SHISA9: variants seen among roughly 807,000 people sequenced by gnomAD.
SHISA9 encodes the protein shisa family member 9.
Under a neutral mutation model 38.0 loss-of-function variants are expected in SHISA9, and 13 were observed. That is an observed-to-expected ratio of 0.34 (90% CI 0.22 to 0.54). The LOEUF is 0.54. Among genes scored for constraint, SHISA9 ranks in the 20% least tolerant of loss-of-function variants. The pLI, the probability that SHISA9 is intolerant of heterozygous loss-of-function variation, is 0.91. For missense variants in SHISA9, 538 were observed against 575.8 expected, an observed-to-expected ratio of 0.93 and a Z score of 0.67; for synonymous variants, 275 against 242.0, an observed-to-expected ratio of 1.14 and a Z score of -1.27.
rs1846573105 is a variant in SHISA9, at chr16:13,197,711, G to A, written c.692-5683G>A. ...AAGTCTTCATTCATTATTTCGAAGG[G>A]TCGTAATGAGTTGCGCTTATAATGG... On this transcript the variant is annotated intron_variant, in intron 2 of 4. Coordinates refer to ENST00000558583, the MANE Select transcript of SHISA9 (RefSeq NM_001145204.3). The A allele has an allele frequency of 2.0e-5, 3 of 152,212 alleles. No individual in the cohort carries two copies. In the South Asian group the frequency reaches 6.2e-4, roughly 32 times the overall value. The allele number at this position is 152,212 out of a possible 1,614,324, so 9.4% of individuals were successfully genotyped here.
intron 2 of SHISA9, chr16:13,197,740 G>A (rs1268064207): frequency 1.3e-5 from 2 of 152,228 alleles, no homozygotes; most frequent in Non-Finnish European, 2.9e-5. Flanking sequence ...ATAATGGGTG[G>A]AGGGGGGAAT....
intron 2 of SHISA9, among the ~76,000 whole-genome samples, chr16:13,138,583 C>T (rs1438702043): frequency 6.6e-6 from 1 of 152,198 alleles, no homozygotes; most frequent in Non-Finnish European, 1.5e-5. Context: ...ACTACCCCTC[C>T]TCTCAGCCTC....
the SHISA9 span, among the ~76,000 whole-genome samples, chr16:13,346,659 T>C: frequency 6.6e-6 from 1 of 152,194 alleles, no homozygotes; most frequent in Non-Finnish European, 1.5e-5. Context: ...TAATTTTTTC[T>C]CTAAGAACTA....
chr16:13,001,379 G>T (rs920735293), intron 2 of SHISA9, among the ~76,000 whole-genome samples: 16 of 143,904 alleles, frequency 1.1e-4, no homozygotes, highest in African/African-American at 4.5e-4. Context: ...ACTAAGGATC[G>T]GGGGGCCTTT....
chr16:12,949,422 A>G (rs1428396690), intron 2 of SHISA9, among the ~76,000 whole-genome samples: 2 of 152,308 alleles, frequency 1.3e-5, no homozygotes, highest in African/African-American at 4.8e-5. Flanking sequence ...AGAGGGAGGT[A>G]AAATGTTTGG....
chr16:13,355,963 C>A, the SHISA9 span, among the ~76,000 whole-genome samples: 1 of 152,154 alleles, frequency 6.6e-6, no homozygotes, highest in Non-Finnish European at 1.5e-5. Context: ...AGAGATGGGA[C>A]GTGGCTTAGG....
At chr16:13,222,712 G>A (rs953164518) in intron 4 of SHISA9, among the ~76,000 whole-genome samples, 1 of 151,858 alleles carries the variant, frequency 6.6e-6, no homozygotes, top group Non-Finnish European at 1.5e-5. Context: ...GATGTACCAT[G>A]CACTATGCAT....
the SHISA9 span, among the ~76,000 whole-genome samples, chr16:13,529,126 T>G: frequency 6.6e-6 from 1 of 152,234 alleles, no homozygotes; most frequent in Non-Finnish European, 1.5e-5. Context: ...TTTTGCAGTT[T>G]GGACACAATT....
chr16:13,538,853 C>A, the SHISA9 span, among the ~76,000 whole-genome samples: 1 of 152,062 alleles, frequency 6.6e-6, no homozygotes, highest in African/African-American at 2.4e-5. Flanking sequence ...ATCACAGCTC[C>A]ACACAAAACT....
intron 2 of SHISA9, among the ~76,000 whole-genome samples, chr16:13,180,809 G>A (rs991505540): frequency 1.3e-5 from 2 of 152,210 alleles, no homozygotes; most frequent in African/African-American, 4.8e-5. Flanking sequence ...AGAGTGCTAA[G>A]TAGGATTCTA....
chr16:12,951,961 T>TA (rs1303958591), intron 2 of SHISA9, among the ~76,000 whole-genome samples: 4 of 152,236 alleles, frequency 2.6e-5, no homozygotes, highest in Non-Finnish European at 5.9e-5. Flanking sequence ...TGCATGTCAA[T>TA]ATGGCATTTG....
chr16:12,945,133 C>T (rs572552787), intron 2 of SHISA9, among the ~76,000 whole-genome samples: 7 of 152,106 alleles, frequency 4.6e-5, no homozygotes, highest in Admixed American at 1.3e-4. Flanking sequence ...GTGAGAACCA[C>T]GTGTGTTTTT....
At chr16:13,406,539 C>G in the SHISA9 span, among the ~76,000 whole-genome samples, 1 of 152,210 alleles carries the variant, frequency 6.6e-6, no homozygotes, top group Non-Finnish European at 1.5e-5. Flanking sequence ...CTTCCGCTTT[C>G]TACTGTCTTG....
chr16:13,108,743 AATTTG>A (rs1209161204), intron 2 of SHISA9, among the ~76,000 whole-genome samples: 1 of 152,212 alleles, frequency 6.6e-6, no homozygotes, highest in African/African-American at 2.4e-5. Context: ...GGAAATATTG[AATTTG>A]ATTTGATCTT....
At chr16:13,230,509 G>C (rs1319451720) in intron 4 of SHISA9, among the ~76,000 whole-genome samples, 1 of 152,182 alleles carries the variant, frequency 6.6e-6, no homozygotes, top group Non-Finnish European at 1.5e-5. Flanking sequence ...TCTGGCTTAA[G>C]TGGCTAAAGG....
intron 2 of SHISA9, among the ~76,000 whole-genome samples, chr16:12,973,016 T>C (rs2072104984): frequency 6.6e-6 from 1 of 152,262 alleles, no homozygotes; most frequent in African/African-American, 2.4e-5. Flanking sequence ...CTTGGGAGGC[T>C]GAGGCAGGAG....
intron 2 of SHISA9, among the ~76,000 whole-genome samples, chr16:13,024,870 C>T (rs1473161294): frequency 6.6e-6 from 1 of 152,126 alleles, no homozygotes; most frequent in Non-Finnish European, 1.5e-5. Flanking sequence ...TCTCTGCTTG[C>T]ATGAAAGTAG....
chr16:13,324,860 A>G, the SHISA9 span, among the ~76,000 whole-genome samples: 1 of 152,238 alleles, frequency 6.6e-6, no homozygotes, highest in Admixed American at 6.5e-5. Context: ...GAAAGTATAC[A>G]TTAGTTCAGC....
At chr16:12,989,786 T>G (rs2072360592) in intron 2 of SHISA9, among the ~76,000 whole-genome samples, 1 of 152,158 alleles carries the variant, frequency 6.6e-6, no homozygotes, top group Non-Finnish European at 1.5e-5. Context: ...TCTTCGACTT[T>G]TGCTTTATGT....
Sources: gnomAD v4.1 joint callset for allele counts (sites outside exome capture counted in the v4.1 genomes callset) on GRCh38, gnomAD v4.1.1 for gene constraint, MANE v1.5 for transcripts, NCBI Gene and HGNC (gene_info 2026-07-23, HGNC 2026-07-21) for gene names.